DACH2: variants seen among roughly 807,000 people sequenced by gnomAD.
The protein encoded by DACH2 is dachshund homolog 2.
Under a neutral mutation model 35.8 loss-of-function variants are expected in DACH2, and 17 were observed. The observed-to-expected ratio is 0.48, with a 90% CI of 0.33 to 0.71. The LOEUF is 0.71. Ranked by LOEUF, DACH2 falls within the 30% of genes least tolerant of loss-of-function variation. The pLI, the probability that DACH2 is intolerant of heterozygous loss-of-function variation, is 0.02. For missense variants in DACH2, 469 were observed against 472.7 expected (o/e 0.99, Z 0.07); for synonymous variants, 195 against 177.3 (o/e 1.10, Z -0.79).
At chrX:86,269,134 C>T (rs764198379) in intron 1 of DACH2, among the ~76,000 whole-genome samples, 1 of 110,323 alleles carries the variant, frequency 9.1e-6, no homozygotes, top group African/African-American at 3.3e-5. Context: ...TCCCCACCCC[C>T]CAACTACCCT....
intron 6 of DACH2, among the ~76,000 whole-genome samples, chrX:86,719,932 C>CTTTTTTTTT (rs57079697): frequency 1.3e-5 from 1 of 75,578 alleles, no homozygotes; most frequent in African/African-American, 4.9e-5. Flanking sequence ...TTTCTTTTTT[C>CTTTTTTTTT]TTTTTTTTTT....
chrX:86,387,175 G>T (rs1465568034), intron 2 of DACH2, among the ~76,000 whole-genome samples: 1 of 111,253 alleles, frequency 9.0e-6, no homozygotes, highest in Non-Finnish European at 1.9e-5. Context: ...TCTTCAGTTT[G>T]TGAGTCACTC....
intron 2 of DACH2, among the ~76,000 whole-genome samples, chrX:86,406,817 T>C (rs2036534723): frequency 8.9e-6 from 1 of 112,143 alleles, no homozygotes; most frequent in Non-Finnish European, 1.9e-5. Flanking sequence ...CCTCCTCATA[T>C]ATGTCTTCTG....
At chrX:86,406,260 C>A (rs892828894) in intron 2 of DACH2, among the ~76,000 whole-genome samples, 2 of 111,772 alleles carry the variant, frequency 1.8e-5, no homozygotes, top group Non-Finnish European at 3.8e-5. Context: ...GATCTGGAGG[C>A]CATTATCCTA....
In DACH2 at chrX:86,290,522, C is replaced by A. The variant is rs751407571; in HGVS notation, c.489-86302C>A. On this transcript the variant is annotated intron_variant, in intron 1 of 11. Coordinates refer to ENST00000373125, the MANE Select transcript of DACH2 (RefSeq NM_053281.3). ...CATGCCTATGTCCTGAATGGTAATG[C>A]CTAGGTTTTCTTCTAGGGTTTTTAT... is the stretch of plus-strand genomic sequence containing the variant. Among the ~76,000 whole-genome samples, 24 of 100,641 alleles carry A rather than the reference C, an allele frequency of 2.4e-4. No homozygotes were observed. The East Asian group carries it at 7.4e-3, about 31-fold the overall frequency. The allele number at this position is 100,641 out of a possible 115,157, so 87.4% of individuals were successfully genotyped here. A position where few individuals can be genotyped will look rare whatever the true frequency, so the allele number is the denominator to read the frequency against.
At chrX:86,582,758 T>G (rs1439906986) in intron 3 of DACH2, among the ~76,000 whole-genome samples, 4 of 110,236 alleles carry the variant, frequency 3.6e-5, no homozygotes, top group African/African-American at 1.3e-4. Context: ...ACCAGATGGA[T>G]TCACTGCTAA....
At chrX:86,256,128 C>A (rs951410125) in intron 1 of DACH2, among the ~76,000 whole-genome samples, 1 of 110,976 alleles carries the variant, frequency 9.0e-6, no homozygotes, top group South Asian at 3.7e-4. Flanking sequence ...TAACAAAAAA[C>A]AAAACTAGTG....
intron 1 of DACH2, among the ~76,000 whole-genome samples, chrX:86,312,248 G>A (rs772069700): frequency 8.9e-6 from 1 of 111,756 alleles, no homozygotes; most frequent in African/African-American, 3.3e-5. Flanking sequence ...CCTTTATCAT[G>A]TAACATAAGA....
chrX:86,497,930 G>T (rs1241147308), intron 2 of DACH2, among the ~76,000 whole-genome samples: 1 of 111,474 alleles, frequency 9.0e-6, no homozygotes, highest in Non-Finnish European at 1.9e-5. Context: ...GGAGGTAGGG[G>T]TTGCAGAGAG....
intron 11 of DACH2, among the ~76,000 whole-genome samples, chrX:86,816,984 T>G (rs1292907171): frequency 8.9e-6 from 1 of 112,170 alleles, no homozygotes; most frequent in African/African-American, 3.2e-5. Context: ...TGAGTGGATC[T>G]TCATAAAGGC....
In DACH2 at chrX:86,386,863, A is replaced by T. The variant is rs150890546; in HGVS notation, c.527+10001A>T. Among the ~76,000 whole-genome samples the T allele has an allele frequency of 5.4e-5, 6 of 111,098 alleles. No individual in the cohort carries two copies. In the Admixed American group the frequency reaches 5.8e-4, roughly 11 times the overall value. On this transcript the variant is annotated intron_variant, in intron 2 of 11. Coordinates refer to ENST00000373125, the MANE Select transcript of DACH2 (RefSeq NM_053281.3). ...AGAATTTTTGATCTGCTCAATCCTA[A>T]GAAAGTGCTAAAGGTGGCCAAAAAA...
At chrX:86,387,604 G>T (rs2036139903) in intron 2 of DACH2, among the ~76,000 whole-genome samples, 1 of 111,615 alleles carries the variant, frequency 9.0e-6, no homozygotes, top group East Asian at 2.8e-4. Context: ...AAGCAAAAAT[G>T]AGTAAAACCA....
intron 1 of DACH2, among the ~76,000 whole-genome samples, chrX:86,299,078 G>C (rs1031754100): frequency 7.2e-5 from 8 of 111,886 alleles, no homozygotes; most frequent in African/African-American, 9.7e-5. Flanking sequence ...ATTGAGTTTA[G>C]AAAGTTTCTT....
chrX:86,728,824 C>T (rs2041500143), intron 6 of DACH2, among the ~76,000 whole-genome samples: 1 of 113,109 alleles, frequency 8.8e-6, no homozygotes, highest in African/African-American at 3.2e-5. Context: ...GTGAATGAGA[C>T]TTAGCAGCCT....
intron 1 of DACH2, among the ~76,000 whole-genome samples, chrX:86,349,402 G>T (rs2035553835): frequency 9.0e-6 from 1 of 111,700 alleles, no homozygotes; most frequent in Non-Finnish European, 1.9e-5. Flanking sequence ...AGGGTCTCAG[G>T]GTTTTTATAG....
intron 2 of DACH2, among the ~76,000 whole-genome samples, chrX:86,513,782 C>T (rs976922791): frequency 5.4e-5 from 6 of 111,780 alleles, no homozygotes; most frequent in Admixed American, 9.5e-5. Flanking sequence ...CTTTGTTCCT[C>T]GTTGGCTCCC....
chrX:86,736,811 A>G (rs749482978), intron 6 of DACH2, among the ~76,000 whole-genome samples: 5 of 111,547 alleles, frequency 4.5e-5, no homozygotes, highest in Non-Finnish European at 9.4e-5. Context: ...TTTTTTCACA[A>G]TAACTGCTGC....
chrX:86,541,634 C>T (rs1569433885), intron 3 of DACH2, among the ~76,000 whole-genome samples: 1 of 111,033 alleles, frequency 9.0e-6, no homozygotes, highest in Non-Finnish European at 1.9e-5. Flanking sequence ...TTAGGGCAAA[C>T]AAGTCAATAA....
intron 4 of DACH2, among the ~76,000 whole-genome samples, chrX:86,681,607 C>CTA (rs1272587065): frequency 1.5e-3 from 148 of 101,362 alleles, no homozygotes; most frequent in Middle Eastern, 5.0e-3. Context: ...CTCTCTCTCT[C>CTA]TCTATATATA....
Sources: allele counts gnomAD v4.1 joint callset (sites outside exome capture counted in the v4.1 genomes callset), GRCh38; gene constraint gnomAD v4.1.1; transcripts MANE v1.5; gene names NCBI Gene and HGNC (gene_info 2026-07-23, HGNC 2026-07-21).